Variants in RPGRIP1 observed in about 807,000 individuals in gnomAD.
The protein encoded by RPGRIP1 is RPGR interacting protein 1.
A neutral mutation model predicts 157.9 loss-of-function variants in RPGRIP1; 128 were observed. The observed-to-expected ratio is 0.81, with a 90% CI of 0.70 to 0.94. The LOEUF is 0.94. Ranked by LOEUF, RPGRIP1 falls within the 40% of genes least tolerant of loss-of-function variation. RPGRIP1 has a pLI of 0.00. For missense variants in RPGRIP1, 1,486 were observed against 1,545.8 expected (o/e 0.96, Z 0.65); for synonymous variants, 554 against 571.6 (o/e 0.97, Z 0.44).
chr14:21,296,327 A>G (rs1284651710), intron 3 of RPGRIP1, among the ~76,000 whole-genome samples: 1 of 151,570 alleles, frequency 6.6e-6, no homozygotes, highest in Non-Finnish European at 1.5e-5. Flanking sequence ...TCGGCCTCCC[A>G]AAGCGCTAGG....
At chr14:21,307,181 A>G (rs1881352790) in intron 6 of RPGRIP1, among the ~76,000 whole-genome samples, 1 of 152,010 alleles carries the variant, frequency 6.6e-6, no homozygotes, top group Non-Finnish European at 1.5e-5. Context: ...CCCAGTGTCC[A>G]TAGCTGGGAT....
chr14:21,295,308 G>A (rs865971529), intron 3 of RPGRIP1, among the ~76,000 whole-genome samples: 2 of 151,988 alleles, frequency 1.3e-5, no homozygotes, highest in African/African-American at 4.8e-5. Flanking sequence ...CAACTGAGGG[G>A]ATGGAGATAG....
intron 4 of RPGRIP1, 113 bp from the exon 5 acceptor site, chr14:21,302,375 G>A (rs755714809): frequency 4.1e-6 from 2 of 491,410 alleles, no homozygotes; most frequent in East Asian, 3.4e-5. Flanking sequence ...GTCATACAAG[G>A]GTTTCACCCA....
chr14:21,303,280 C>G (rs1881117224), intron 5 of RPGRIP1, 51 bp from the exon 6 acceptor site: 1 of 1,358,318 alleles, frequency 7.4e-7, no homozygotes, highest in East Asian at 2.4e-5. Context: ...TGTAAGAACC[C>G]AATTCTAAAC....
In RPGRIP1 at chr14:21,348,234, G is replaced by T; in HGVS notation, c.3680G>T (p.Gly1227Val). 1 of 1,589,476 alleles carries T rather than the reference G, an allele frequency of 6.3e-7. No individual in the cohort carries two copies. The highest frequency in any genetic ancestry group is 8.6e-7 in the Non-Finnish European group (1 of 1,165,798). Residue 1227 changes from glycine to valine, a missense_variant, in exon 24 of 25, where the codon GGA (glycine) becomes GTA (valine). By Grantham distance (109) the Gly-to-Val change is moderately radical. Coordinates refer to ENST00000400017, the MANE Select transcript of RPGRIP1 (RefSeq NM_020366.4). ...GAAAAGAAAGAATGTGAAGAAGTGG[G>T]ATATGCATATCTTCAACTGTGGCAG... ...DEEKKECEEVGYAYLQLWQIL... is the reference protein window; with the variant it reads ...DEEKKECEEVVYAYLQLWQIL...
chr14:21,302,539 C>G lies in RPGRIP1; in HGVS notation c.542C>G (p.Ala181Gly), dbSNP rs186266220. 2.9e-4 allele frequency: 455 copies of G among 1,587,964 alleles called. No homozygotes were observed. The African/African-American group carries it at 5.5e-3, about 19-fold the overall frequency. The change falls in exon 5 of 25, where the codon GCG becomes GGG. Residue 181 changes from alanine (A) to glycine (G), a missense_variant. Physicochemically the swap from Ala to Gly is moderately conservative, Grantham distance 60. Transcript: ENST00000400017. ...GCCCCTCCATCGTTTAAGGAGCATG[C>G]GACAAATGAAAACAGAGGTGAAGTA... ...YTAPPSFKEH[A>G]TNENRGEVAS... is the part of the protein sequence containing the mutation.
In RPGRIP1 at chr14:21,303,531, C is replaced by T; in HGVS notation, c.788C>T (p.Ala263Val). Residue 263 changes from alanine to valine, a missense_variant, in exon 6 of 25, where the codon GCT (alanine) becomes GTT (valine). By Grantham distance (64) the Ala-to-Val change is moderately conservative (BLOSUM62 0). Coordinates refer to ENST00000400017, the MANE Select transcript of RPGRIP1 (RefSeq NM_020366.4). ...QRSSLECAQKAAELRASIKEK... is the reference protein window; with the variant it reads ...QRSSLECAQKVAELRASIKEK... ...AGCTCATTGGAGTGTGCTCAGAAGG[C>T]TGCAGAGCTTCGGTAAGAGTGTGGC... 2 of 1,613,356 alleles carry T rather than the reference C, an allele frequency of 1.2e-6. No individual in the cohort carries two copies. The highest frequency in any genetic ancestry group is 2.2e-5 in the South Asian group (2 of 91,068).
intron 20 of RPGRIP1, among the ~76,000 whole-genome samples, chr14:21,331,719 G>A (rs1883814307): frequency 6.6e-6 from 1 of 152,050 alleles, no homozygotes; most frequent in Non-Finnish European, 1.5e-5. Context: ...AGTGCTACCA[G>A]TGTTCTATTT....
Position 21,324,873 on chromosome 14 carries a change from A to G in RPGRIP1, c.2018A>G (p.Gln673Arg). ...THCTPLSVGP[Q>R]PLYDFTSQYV... ...TGTACCCCATTATCTGTGGGGCCAC[A>G]GCCCCTCTATGACTTCACCTCCCAG... The change falls in exon 15 of 25, where the codon CAG (glutamine) becomes CGG (arginine). Residue 673 changes from glutamine (Q) to arginine (R), a missense_variant. Gln to Arg is a conservative substitution (Grantham distance 43). Transcript: ENST00000400017. 1 of 1,613,892 alleles carries G rather than the reference A, an allele frequency of 6.2e-7. No homozygotes were observed. The highest frequency in any genetic ancestry group is 8.5e-7 in the Non-Finnish European group (1 of 1,179,772).
chr14:21,312,037 A>G (rs1881559996), intron 9 of RPGRIP1, 67 bp downstream of exon 9: 1 of 1,413,386 alleles, frequency 7.1e-7, no homozygotes, highest in African/African-American at 1.4e-5. Context: ...TGTGTATCTT[A>G]GCAACAATAT....
chr14:21,293,702 C>A (rs1880631212), intron 2 of RPGRIP1, among the ~76,000 whole-genome samples: 1 of 152,178 alleles, frequency 6.6e-6, no homozygotes, highest in East Asian at 1.9e-4. Context: ...CATGGAGAAA[C>A]CCCGTCTCTA....
chr14:21,303,503 A>G lies in RPGRIP1; in HGVS notation c.760A>G (p.Arg254Gly), dbSNP rs1237704081. 1.9e-6 allele frequency: 3 copies of G among 1,613,850 alleles called. No individual in the cohort carries two copies. Among genetic ancestry groups the G allele is most frequent in the Admixed American group, 1.7e-5 (1 of 59,994 alleles). The change falls in exon 6 of 25, where the codon AGA becomes GGA. Residue 254 changes from arginine to glycine, a missense_variant. By Grantham distance (125) the Arg-to-Gly change is moderately radical. Transcript: ENST00000400017. ...MWPKDENFEQ[R>G]SSLECAQKAA... ...GCCTAAAGATGAAAATTTTGAACAG[A>G]GAAGCTCATTGGAGTGTGCTCAGAA...
intron 6 of RPGRIP1, among the ~76,000 whole-genome samples, chr14:21,306,984 C>T (rs905772712): frequency 6.6e-6 from 1 of 151,982 alleles, no homozygotes; most frequent in Non-Finnish European, 1.5e-5. Flanking sequence ...CTATGTTGGC[C>T]AGGATGGTCT....
chr14:21,294,871 G>A (rs1880702844), intron 3 of RPGRIP1, 62 bp downstream of exon 3: 2 of 1,216,560 alleles, frequency 1.6e-6, no homozygotes, highest in East Asian at 3.1e-5. Flanking sequence ...TTGAGACGGA[G>A]CCTTGCTCTG....
intron 2 of RPGRIP1, among the ~76,000 whole-genome samples, chr14:21,292,687 C>A (rs999881336): frequency 6.6e-6 from 1 of 151,676 alleles, no homozygotes; most frequent in Non-Finnish European, 1.5e-5. Flanking sequence ...ACTAAAAATA[C>A]AAAAATTAGC....
intron 1 of RPGRIP1, among the ~76,000 whole-genome samples, chr14:21,280,535 C>T (rs1272824049): frequency 1.3e-5 from 2 of 152,148 alleles, no homozygotes; most frequent in African/African-American, 4.8e-5. Flanking sequence ...CATGAGCCAC[C>T]GCGCCTGGCC....
At chr14:21,308,914 G>T (rs1464320001) in intron 7 of RPGRIP1, among the ~76,000 whole-genome samples, 2 of 152,098 alleles carry the variant, frequency 1.3e-5, no homozygotes, top group Non-Finnish European at 2.9e-5. Context: ...ATATGCAAAT[G>T]AAGGGCGCCA....
intron 22 of RPGRIP1, among the ~76,000 whole-genome samples, chr14:21,344,294 A>G (rs1473382693): frequency 6.6e-6 from 1 of 152,052 alleles, no homozygotes; most frequent in Non-Finnish European, 1.5e-5. Flanking sequence ...TTCATTATAC[A>G]TATTGTAATT....
intron 19 of RPGRIP1, 50 bp from the exon 20 acceptor site, chr14:21,330,199 G>C: frequency 7.3e-7 from 1 of 1,376,628 alleles, no homozygotes; most frequent in Non-Finnish European, 9.6e-7. Context: ...AATGAAGAAA[G>C]AAAACCAAGA....
Sources: allele counts gnomAD v4.1 joint callset (sites outside exome capture counted in the v4.1 genomes callset), GRCh38; gene constraint gnomAD v4.1.1; transcripts MANE v1.5; gene names NCBI Gene and HGNC (gene_info 2026-07-23, HGNC 2026-07-21).